AMBP: variants seen among roughly 807,000 people sequenced by gnomAD.
The protein encoded by AMBP is protein AMBP.
AMBP carries 37 observed loss-of-function variants against 46.3 expected under a neutral mutation model. That is an observed-to-expected ratio of 0.80 (90% CI 0.61 to 1.05). The LOEUF is 1.05. Among genes scored for constraint, AMBP ranks in the 50% least tolerant of loss-of-function variants. The probability of loss-of-function intolerance (pLI) is 0.00; values close to 1 mark genes in which losing one functional copy is unlikely to be tolerated. For synonymous variants in AMBP, 174 were observed against 175.9 expected (o/e 0.99, Z 0.09); for missense variants, 475 against 461.2 (o/e 1.03, Z -0.27).
intron 8 of AMBP, 110 bp downstream of exon 8, chr9:114,061,314 T>G: frequency 1.7e-5 from 26 of 1,539,572 alleles, no homozygotes; most frequent in Non-Finnish European, 2.3e-5. Flanking sequence ...CGCCTGGAGT[T>G]CTACCACTGG....
Position 114,074,066 on chromosome 9 carries a change from G to T in AMBP, c.424C>A (p.His142Asn), listed in dbSNP as rs745753867. Residue 142 changes from histidine (H) to asparagine (N), a missense_variant, in exon 4 of 10, where the codon CAT (histidine) becomes AAT (asparagine). His to Asn is a moderately conservative substitution (Grantham distance 68). This residue lies in a region of AMBP where 293 missense variants were observed against 276.9 expected (regional missense o/e 1.06). Coordinates refer to ENST00000265132, the MANE Select transcript of AMBP (RefSeq NM_001633.4). ...AGCTTGGCAGTAATGGTGGGTCCATGATGGCGGCTGAATTTCTTGGTCAGG... is the reference window on the plus strand; with the variant it reads ...AGCTTGGCAGTAATGGTGGGTCCATTATGGCGGCTGAATTTCTTGGTCAGG... ...IFLTKKFSRH[H>N]GPTITAKLYG... 6 of 1,614,182 alleles carry T rather than the reference G, an allele frequency of 3.7e-6. No homozygotes were observed. Among genetic ancestry groups the T allele is most frequent in the Non-Finnish European group, 5.1e-6 (6 of 1,180,030 alleles).
chr9:114,068,085 C>T (rs901612917), intron 6 of AMBP, among the ~76,000 whole-genome samples: 1 of 152,100 alleles, frequency 6.6e-6, no homozygotes, highest in Non-Finnish European at 1.5e-5. Context: ...AAGAAATTTT[C>T]GAAGAGTTGC....
intron 5 of AMBP, 40 bp from the exon 6 acceptor site, chr9:114,069,785 CA>C: frequency 1.2e-6 from 2 of 1,608,926 alleles, no homozygotes; most frequent in South Asian, 2.2e-5. Context: ...ATAACAGGAC[CA>C]GGCCCAGGGG....
intron 7 of AMBP, among the ~76,000 whole-genome samples, 195 bp from the exon 8 acceptor site, chr9:114,061,786 C>G (rs185651403): frequency 1.3e-5 from 2 of 152,292 alleles, no homozygotes; most frequent in Admixed American, 1.3e-4. Context: ...AAAACCCTGT[C>G]TCCAAAACCA....
At chr9:114,076,463 C>G (rs2567700) in intron 2 of AMBP, 135 bp downstream of exon 2, 1 of 1,271,074 alleles carries the variant, frequency 7.9e-7, no homozygotes. Flanking sequence ...GGTGGAGGAG[C>G]GTAGAGGGAT....
At chr9:114,069,541 C>T (rs1846722868) in intron 6 of AMBP, among the ~76,000 whole-genome samples, 158 bp downstream of exon 6, 1 of 151,212 alleles carries the variant, frequency 6.6e-6, no homozygotes, top group Non-Finnish European at 1.5e-5. Flanking sequence ...AAGATGGAGC[C>T]CCAGTGAGTC....
chr9:114,073,933 G>T, intron 4 of AMBP, 103 bp downstream of exon 4: 1 of 1,083,378 alleles, frequency 9.2e-7, no homozygotes, highest in Non-Finnish European at 1.4e-6. Flanking sequence ...AGTTTTGTCA[G>T]AAGGAAAAAG....
chr9:114,072,879 G>C, intron 5 of AMBP, 46 bp downstream of exon 5: 2 of 1,576,436 alleles, frequency 1.3e-6, no homozygotes, highest in South Asian at 2.2e-5. Context: ...GCGCCCACAA[G>C]GGACGAAGAG....
At chr9:114,061,132 AC>A in intron 8 of AMBP, 34 bp from the exon 9 acceptor site, 3 of 1,606,334 alleles carry the variant, frequency 1.9e-6, no homozygotes, top group Non-Finnish European at 2.6e-6. Context: ...AACTTGAGAA[AC>A]CCTTGTGACT....
At position 114,078,252 on chromosome 9, in the gene AMBP, C is replaced by G; in HGVS notation, c.-43G>C. ...CCTTGGTATATCCCACAGGCTCGGT[C>G]TAGCAACAGAAGGGCCACCGCCTCC... is the stretch of plus-strand genomic sequence containing the variant. On this transcript the variant is annotated 5_prime_UTR_variant, in exon 1 of 10. Coordinates refer to ENST00000265132, the MANE Select transcript of AMBP (RefSeq NM_001633.4). 6 of 1,582,348 alleles carry G rather than the reference C, an allele frequency of 3.8e-6. No homozygotes were observed. The highest frequency in any genetic ancestry group is 5.2e-6 in the Non-Finnish European group (6 of 1,158,532).
chr9:114,076,650 G>A lies in AMBP; in HGVS notation c.208C>T (p.Leu70=). 1 of 1,614,038 alleles carries A rather than the reference G, an allele frequency of 6.2e-7. No homozygotes were observed. The highest frequency in any genetic ancestry group is 8.5e-7 in the Non-Finnish European group (1 of 1,179,996). The stretch of plus-strand genomic sequence containing the variant: ...TCCGCCTCTGTAGCGCCCTCTCCCA[G>A]CACCAGCGTGCTCACTGTCATCCTG... ...MDRMTVSTLV[L]GEGATEAEIS... Residue 70 remains leucine (L), a synonymous_variant, in exon 2 of 10, where the codon CTG becomes TTG. Coordinates refer to ENST00000265132, the MANE Select transcript of AMBP (RefSeq NM_001633.4).
At chr9:114,064,199 T>A (rs1236984550) in intron 6 of AMBP, among the ~76,000 whole-genome samples, 10 of 152,202 alleles carry the variant, frequency 6.6e-5, no homozygotes, top group Admixed American at 6.5e-4. Flanking sequence ...ATTCAGACAT[T>A]TGCCACCCAT....
At chr9:114,076,839 C>T in intron 1 of AMBP, 99 bp from the exon 2 acceptor site, 1 of 1,385,808 alleles carries the variant, frequency 7.2e-7, no homozygotes, top group Non-Finnish European at 9.9e-7. Flanking sequence ...TCCTCTTCCT[C>T]CTCCTTCTCC....
At chr9:114,062,786 G>A in intron 6 of AMBP, 28 bp from the exon 7 acceptor site, 2 of 1,605,142 alleles carry the variant, frequency 1.2e-6, no homozygotes, top group Non-Finnish European at 1.7e-6. Flanking sequence ...AGAAGAAGCA[G>A]TTGCAGACTC....
intron 6 of AMBP, among the ~76,000 whole-genome samples, chr9:114,066,307 AAACAGAAGG>A (rs1480855698): frequency 6.6e-6 from 1 of 152,092 alleles, no homozygotes; most frequent in African/African-American, 2.4e-5. Context: ...AGAACTCAAG[AAACAGAAGG>A]AAATTCCTCA....
intron 6 of AMBP, among the ~76,000 whole-genome samples, chr9:114,066,313 A>G (rs1846692879): frequency 6.6e-6 from 1 of 152,024 alleles, no homozygotes; most frequent in African/African-American, 2.4e-5. Flanking sequence ...CAAGAAACAG[A>G]AGGAAATTCC....
intron 2 of AMBP, 48 bp downstream of exon 2, chr9:114,076,533 CGGGGCTGGGAAGGTTGT>C: frequency 6.3e-7 from 1 of 1,578,480 alleles, no homozygotes; most frequent in Non-Finnish European, 8.6e-7. Context: ...CCAGGATGGA[CGGGGCTGGGAAGGTTGT>C]GGGTCTCTGG....
Position 114,060,229 on chromosome 9 carries a change from C to G in AMBP, c.*10G>C, listed in dbSNP as rs557833373. The G allele has an allele frequency of 5.0e-5, 81 of 1,612,224 alleles. No homozygotes were observed. Among genetic ancestry groups the G allele is most frequent in the Non-Finnish European group, 3.1e-5 (36 of 1,179,270 alleles). ...ACTGGCCATCCTCTGACTTGCAGAC[C>G]GGCCAGTTGTCAGTTGGAGAAGCGC... On this transcript the variant is annotated 3_prime_UTR_variant, in exon 10 of 10. Transcript: ENST00000265132.
At chr9:114,061,339 G>A (rs781754973) in intron 8 of AMBP, 85 bp downstream of exon 8, 2 of 1,592,634 alleles carry the variant, frequency 1.3e-6, no homozygotes, top group Admixed American at 3.4e-5. Context: ...CCCTCTGTTA[G>A]CTACCTTTTC....
Sources: gnomAD v4.1 joint callset for allele counts (sites outside exome capture counted in the v4.1 genomes callset) on GRCh38, gnomAD v4.1.1 for gene constraint, gnomAD v4.1.1 regional missense constraint, MANE v1.5 for transcripts, NCBI Gene and HGNC (gene_info 2026-07-23, HGNC 2026-07-21) for gene names.